KSR2: variants seen among roughly 807,000 people sequenced by gnomAD.
KSR2 encodes the protein kinase suppressor of ras 2.
KSR2 carries 25 observed loss-of-function variants against 107.8 expected under a neutral mutation model. That is an observed-to-expected ratio of 0.23 (90% CI 0.17 to 0.32). The LOEUF is 0.32. KSR2 is among the 10% of genes least tolerant of loss of function. The pLI is 1.00. For missense variants in KSR2, 887 were observed against 1,268.9 expected (o/e 0.70, Z 4.57); for synonymous variants, 480 against 507.0 (o/e 0.95, Z 0.71).
intron 1 of KSR2, among the ~76,000 whole-genome samples, chr12:117,864,081 C>T (rs1334287661): frequency 6.6e-6 from 1 of 152,070 alleles, no homozygotes; most frequent in Non-Finnish European, 1.5e-5. Context: ...TTATTTAGCC[C>T]ACCACACCTG....
intron 14 of KSR2, chr12:117,517,817 A>T (rs1244388899): frequency 2.2e-6 from 1 of 455,686 alleles, no homozygotes; most frequent in South Asian, 1.6e-5. Flanking sequence ...AGGCCCCCCA[A>T]CTCCTGTACG....
intron 3 of KSR2, among the ~76,000 whole-genome samples, chr12:117,784,077 AC>A (rs1889977193): frequency 6.6e-6 from 1 of 152,188 alleles, no homozygotes; most frequent in Non-Finnish European, 1.5e-5. Context: ...ATTCATGGGT[AC>A]ATGTGCAGGT....
intron 7 of KSR2, among the ~76,000 whole-genome samples, chr12:117,565,058 A>C (rs1308009503): frequency 6.6e-6 from 1 of 152,146 alleles, no homozygotes; most frequent in Non-Finnish European, 1.5e-5. Flanking sequence ...CTCTTTCACA[A>C]GCAGCTCTGC....
intron 5 of KSR2, among the ~76,000 whole-genome samples, chr12:117,647,506 G>GTTGCCTGCCTGGCC: frequency 6.6e-6 from 1 of 152,132 alleles, no homozygotes; most frequent in Non-Finnish European, 1.5e-5. Context: ...CAAGGCCTTG[G>GTTGCCTGCCTGGCC]AAGCAGCCTG....
chr12:117,717,712 T>TGTGTGTGTGTGCGCGCGCGC (rs1209120329), intron 4 of KSR2, among the ~76,000 whole-genome samples: 6 of 137,060 alleles, frequency 4.4e-5, no homozygotes, highest in African/African-American at 1.6e-4. Context: ...TGTGTGTGTG[T>TGTGTGTGTGTGCGCGCGCGC]GCATGCGCGC....
At chr12:117,782,914 T>C (rs1341933693) in intron 3 of KSR2, among the ~76,000 whole-genome samples, 3 of 152,128 alleles carry the variant, frequency 2.0e-5, no homozygotes, top group Non-Finnish European at 4.4e-5. Context: ...GTGGGTAGAA[T>C]GGGGGACTAC....
intron 8 of KSR2, among the ~76,000 whole-genome samples, chr12:117,556,422 T>C (rs980563945): frequency 6.6e-6 from 1 of 152,122 alleles, no homozygotes; most frequent in African/African-American, 2.4e-5. Context: ...CCTCATTGAG[T>C]GTATACAGTT....
intron 4 of KSR2, among the ~76,000 whole-genome samples, chr12:117,747,547 C>T (rs1565993657): frequency 6.6e-6 from 1 of 151,986 alleles, no homozygotes; most frequent in African/African-American, 2.4e-5. Context: ...ACATGTATAC[C>T]TGTGTGACAA....
At chr12:117,555,113 C>T in intron 9 of KSR2, 56 bp downstream of exon 9, 1 of 1,610,450 alleles carries the variant, frequency 6.2e-7, no homozygotes, top group Non-Finnish European at 8.5e-7. Context: ...CCCTCCTACC[C>T]CTCACCCAGC....
chr12:117,952,198 T>A (rs1236296159), intron 1 of KSR2, among the ~76,000 whole-genome samples: 2 of 150,224 alleles, frequency 1.3e-5, no homozygotes, highest in Non-Finnish European at 3.0e-5. Flanking sequence ...CACATACACA[T>A]ACACACCCAC....
chr12:117,707,325 G>T (rs1384032375), intron 4 of KSR2, among the ~76,000 whole-genome samples: 1 of 152,138 alleles, frequency 6.6e-6, no homozygotes, highest in East Asian at 1.9e-4. Flanking sequence ...ATGGATTGTG[G>T]TGATGGTTGT....
chr12:117,849,100 T>C lies in KSR2; in HGVS notation c.472+6328A>G, dbSNP rs80291803. Among the ~76,000 whole-genome samples the C allele has an allele frequency of 5.8e-3, 882 of 152,170 alleles. 15 individuals carry two copies. Among genetic ancestry groups the C allele is most frequent in the Middle Eastern group, 6.8e-3 (2 of 294 alleles). The stretch of plus-strand genomic sequence containing the variant: ...CAGATTCCATACTCCTAGAAGATGA[T>C]TGAGGACTAAGAAGGAGAAAGGAGA... On this transcript the variant is annotated intron_variant, in intron 3 of 19. Coordinates refer to ENST00000339824, the MANE Select transcript of KSR2 (RefSeq NM_173598.6).
At chr12:117,748,785 G>A (rs982165398) in intron 4 of KSR2, among the ~76,000 whole-genome samples, 1 of 152,054 alleles carries the variant, frequency 6.6e-6, no homozygotes, top group African/African-American at 2.4e-5. Context: ...CTTAATTTAG[G>A]TTCCCCCAAA....
At chr12:117,812,842 C>CAAAAAAAAAAAAAAAAAAAAAAAA (rs3073170) in intron 3 of KSR2, among the ~76,000 whole-genome samples, 8 of 95,548 alleles carry the variant, frequency 8.4e-5, no homozygotes, top group South Asian at 4.2e-4. Flanking sequence ...CCCAAATAGC[C>CAAAAAAAAAAAAAAAAAAAAAAAA]AAAAAAAAAA....
chr12:117,933,591 C>CAA (rs35731910), intron 1 of KSR2, among the ~76,000 whole-genome samples: 14 of 140,792 alleles, frequency 9.9e-5, no homozygotes, highest in Non-Finnish European at 1.8e-4. Context: ...GAGTCTGTCT[C>CAA]AAAAAAAAAA....
At chr12:117,687,607 G>T (rs1885628629) in intron 4 of KSR2, among the ~76,000 whole-genome samples, 1 of 152,132 alleles carries the variant, frequency 6.6e-6, no homozygotes, top group South Asian at 2.1e-4. Context: ...CCAATAGCCT[G>T]TACTGCTGTC....
At chr12:117,956,729 C>A (rs989520664) in intron 1 of KSR2, among the ~76,000 whole-genome samples, 1 of 152,056 alleles carries the variant, frequency 6.6e-6, no homozygotes, top group African/African-American at 2.4e-5. Context: ...GGGTTCAAGG[C>A]CAGCCTGGGC....
intron 5 of KSR2, among the ~76,000 whole-genome samples, chr12:117,657,111 G>A (rs551819779): frequency 6.6e-6 from 1 of 151,116 alleles, no homozygotes; most frequent in Admixed American, 6.6e-5. Context: ...AATAAAGCCA[G>A]TAAGTATCCA....
chr12:117,744,114 T>C (rs1171949590), intron 4 of KSR2, among the ~76,000 whole-genome samples: 2 of 152,210 alleles, frequency 1.3e-5, no homozygotes, highest in Non-Finnish European at 2.9e-5. Context: ...CCATCCATCA[T>C]GGCATAGCGG....
Sources: gnomAD v4.1 joint callset for allele counts (sites outside exome capture counted in the v4.1 genomes callset) on GRCh38, gnomAD v4.1.1 for gene constraint, MANE v1.5 for transcripts, NCBI Gene and HGNC (gene_info 2026-07-23, HGNC 2026-07-21) for gene names.